The following MKLN1 variants were observed in gnomAD, a reference collection of about 807,000 sequenced individuals.
MKLN1 encodes muskelin.
In MKLN1, 18 loss-of-function variants were observed where a neutral mutation model predicts 99.0. The observed-to-expected ratio is 0.18, with a 90% CI of 0.13 to 0.27. The LOEUF (loss-of-function observed/expected upper bound fraction) is 0.27, where lower values mean the gene tolerates loss of function less well. Among genes scored for constraint, MKLN1 ranks in the 10% least tolerant of loss-of-function variants. The probability of loss-of-function intolerance (pLI) is 1.00; values close to 1 mark genes in which losing one functional copy is unlikely to be tolerated. For synonymous variants in MKLN1, 288 were observed against 293.2 expected (o/e 0.98, Z 0.18); for missense variants, 621 against 875.9 (o/e 0.71, Z 3.67).
chr7:131,154,539 T>C (rs1407512782), intron 2 of MKLN1, among the ~76,000 whole-genome samples: 1 of 152,172 alleles, frequency 6.6e-6, no homozygotes, highest in Non-Finnish European at 1.5e-5. Context: ...AGGGTGTCTA[T>C]GTACATGTAT....
chr7:131,133,819 GGTT>G (rs1458515667), intron 1 of MKLN1, among the ~76,000 whole-genome samples: 19,513 of 67,126 alleles, frequency 0.29, 4,088 homozygotes, highest in South Asian at 0.49. Flanking sequence ...TTTTTAATTT[GGTT>G]TTTTTTTTTT....
chr7:131,195,392 T>C (rs867482457), intron 2 of MKLN1, among the ~76,000 whole-genome samples: 43 of 151,744 alleles, frequency 2.8e-4, no homozygotes, highest in African/African-American at 9.4e-4. Flanking sequence ...GTGCCTGTAA[T>C]CCCAGCTACT....
intron 2 of MKLN1, among the ~76,000 whole-genome samples, chr7:131,192,803 G>A (rs2116390370): frequency 6.6e-6 from 1 of 152,054 alleles, no homozygotes; most frequent in East Asian, 1.9e-4. Context: ...GCCTCCCAAA[G>A]TGCTGAGATT....
At chr7:131,270,199 G>A (rs1033552878) in intron 3 of MKLN1, among the ~76,000 whole-genome samples, 1 of 151,738 alleles carries the variant, frequency 6.6e-6, no homozygotes, top group East Asian at 1.9e-4. Context: ...TGGGATTACA[G>A]GCATGAGCCA....
chr7:131,477,263 A>G (rs887562545), intron 16 of MKLN1, among the ~76,000 whole-genome samples: 3 of 152,048 alleles, frequency 2.0e-5, no homozygotes, highest in African/African-American at 7.2e-5. Flanking sequence ...AAACATAGAC[A>G]TTGCCAGGTT....
At chr7:131,263,368 T>TAATAATAATAATAAAAAAAAA (rs373239401) in intron 3 of MKLN1, among the ~76,000 whole-genome samples, 1 of 140,350 alleles carries the variant, frequency 7.1e-6, no homozygotes, top group East Asian at 2.2e-4. Flanking sequence ...ATAATAATAA[T>TAATAATAATAATAAAAAAAAA]AATAAAATTA....
chr7:131,241,620 T>C (rs1797405224), intron 3 of MKLN1, among the ~76,000 whole-genome samples: 1 of 152,304 alleles, frequency 6.6e-6, no homozygotes, highest in Admixed American at 6.5e-5. Context: ...ATGGCATCAC[T>C]GCATTCCAGC....
At chr7:131,253,720 G>C (rs1797616288) in intron 3 of MKLN1, among the ~76,000 whole-genome samples, 1 of 152,200 alleles carries the variant, frequency 6.6e-6, no homozygotes, top group South Asian at 2.1e-4. Flanking sequence ...AGAACAGAGA[G>C]GCCTGAAGCT....
At chr7:131,356,089 G>T (rs1799870174) in intron 1 of MKLN1, among the ~76,000 whole-genome samples, 1 of 144,872 alleles carries the variant, frequency 6.9e-6, no homozygotes. Context: ...TTTTGAGGAA[G>T]GGAAGAAAAG....
chr7:131,202,259 A>G (rs1796740230), intron 2 of MKLN1, among the ~76,000 whole-genome samples: 2 of 141,396 alleles, frequency 1.4e-5, no homozygotes, highest in Admixed American at 7.9e-5. Flanking sequence ...TCCCGAGTTC[A>G]AGCGATTCAC....
chr7:131,141,486 G>A (rs1437943801), intron 1 of MKLN1, among the ~76,000 whole-genome samples: 1 of 152,076 alleles, frequency 6.6e-6, no homozygotes, highest in African/African-American at 2.4e-5. Flanking sequence ...CTACCTCCTC[G>A]AGAATGTGGC....
At chr7:131,473,654 C>T (rs1229282479) in intron 16 of MKLN1, among the ~76,000 whole-genome samples, 1 of 152,142 alleles carries the variant, frequency 6.6e-6, no homozygotes, top group African/African-American at 2.4e-5. Flanking sequence ...ATTTTATATT[C>T]ATTACACTTC....
At chr7:131,117,483 A>G (rs1310670395) in intron 1 of MKLN1, among the ~76,000 whole-genome samples, 3 of 152,148 alleles carry the variant, frequency 2.0e-5, no homozygotes, top group Non-Finnish European at 4.4e-5. Context: ...AAGAAAAAAT[A>G]AAAAACAGGT....
intron 6 of MKLN1, among the ~76,000 whole-genome samples, chr7:131,402,333 C>T (rs976987084): frequency 6.6e-6 from 1 of 152,190 alleles, no homozygotes; most frequent in East Asian, 1.9e-4. Context: ...TCTTCAGGCT[C>T]TACTTCTAAT....
intron 8 of MKLN1, 137 bp downstream of exon 8, chr7:131,414,847 A>C (rs1584716793): frequency 2.2e-6 from 1 of 462,264 alleles, no homozygotes; most frequent in East Asian, 4.4e-5. Context: ...AAAAAAGTTT[A>C]ACATGCGGCC....
intron 9 of MKLN1, 44 bp from the exon 10 acceptor site, chr7:131,437,741 G>C (rs374312288): frequency 7.5e-7 from 1 of 1,331,130 alleles, no homozygotes; most frequent in Non-Finnish European, 1.1e-6. Flanking sequence ...ATTTTTTTTT[G>C]CTCTTTATTT....
intron 1 of MKLN1, among the ~76,000 whole-genome samples, chr7:131,363,692 C>A (rs1022523203): frequency 6.6e-6 from 1 of 151,136 alleles, no homozygotes; most frequent in African/African-American, 2.4e-5. Context: ...TGAGTGGTTC[C>A]TTCTGATTAG....
chr7:131,235,786 C>T (rs1429526736), intron 3 of MKLN1, among the ~76,000 whole-genome samples: 1 of 152,082 alleles, frequency 6.6e-6, no homozygotes, highest in African/African-American at 2.4e-5. Flanking sequence ...CCATTGGTGC[C>T]CCGCTGCTAC....
chr7:131,117,450 C>CAA (rs1398933723), intron 1 of MKLN1, among the ~76,000 whole-genome samples: 1 of 150,562 alleles, frequency 6.6e-6, no homozygotes, highest in African/African-American at 2.4e-5. Flanking sequence ...ACAACAACAA[C>CAA]AACAACAACA....
Sources: gnomAD v4.1 joint callset for allele counts (sites outside exome capture counted in the v4.1 genomes callset) on GRCh38, gnomAD v4.1.1 for gene constraint, MANE v1.5 for transcripts, NCBI Gene and HGNC (gene_info 2026-07-23, HGNC 2026-07-21) for gene names.